The following EYS variants were observed in gnomAD, a reference collection of about 807,000 sequenced individuals.
EYS encodes the protein EGF-like photoreceptor maintenance factor, also known as protein eyes shut homolog.
EYS carries 250 observed loss-of-function variants against 282.1 expected under a neutral mutation model. The observed-to-expected ratio is 0.89, with a 90% CI of 0.80 to 0.98. The LOEUF is 0.98. Among genes scored for constraint, EYS ranks in the 50% least tolerant of loss-of-function variants. The pLI, the probability that EYS is intolerant of heterozygous loss-of-function variation, is 0.00. For synonymous variants in EYS, 1,355 were observed against 1,282.9 expected (o/e 1.06, Z -1.20); for missense variants, 4,016 against 3,709.0 (o/e 1.08, Z -2.15).
chr6:65,622,455 C>T (rs354371), intron 2 of EYS, among the ~76,000 whole-genome samples: 119,938 of 151,794 alleles, frequency 0.79, 47,445 homozygotes, highest in Middle Eastern at 0.83. Context: ...GTAATATTAT[C>T]ATTATTAAAA....
intron 2 of EYS, among the ~76,000 whole-genome samples, chr6:65,541,894 C>T (rs1768181350): frequency 6.6e-6 from 1 of 152,062 alleles, no homozygotes. Context: ...TGCTCACCAT[C>T]ACGGAGGATG....
intron 33 of EYS, among the ~76,000 whole-genome samples, chr6:64,007,207 T>G (rs1768390581): frequency 6.6e-6 from 1 of 152,174 alleles, no homozygotes; most frequent in Admixed American, 6.5e-5. Context: ...ATTCAATTTT[T>G]TCTTGGTCCA....
At chr6:65,095,026 A>G (rs192226619) in intron 12 of EYS, among the ~76,000 whole-genome samples, 69 of 151,390 alleles carry the variant, frequency 4.6e-4, no homozygotes, top group African/African-American at 1.1e-3. Context: ...TGCTACAGAA[A>G]TAAAAATAAT....
chr6:65,204,636 T>A (rs569663409), intron 12 of EYS, among the ~76,000 whole-genome samples: 5 of 151,736 alleles, frequency 3.3e-5, no homozygotes, highest in Non-Finnish European at 5.9e-5. Context: ...CAATTGAGAC[T>A]CCAAGGTTAC....
chr6:65,670,295 A>G (rs1768352226), intron 1 of EYS, among the ~76,000 whole-genome samples: 1 of 152,100 alleles, frequency 6.6e-6, no homozygotes, highest in African/African-American at 2.4e-5. Flanking sequence ...CTTCTGTTGC[A>G]TATCTCCTTT....
At chr6:64,593,081 C>A in intron 25 of EYS, 36 bp downstream of exon 25, 1 of 1,410,952 alleles carries the variant, frequency 7.1e-7, no homozygotes, top group East Asian at 2.9e-5. Flanking sequence ...CTTTTTCAAA[C>A]TCAAACTTCT....
intron 31 of EYS, among the ~76,000 whole-genome samples, chr6:64,145,918 C>T (rs976203993): frequency 6.6e-6 from 1 of 152,122 alleles, no homozygotes; most frequent in African/African-American, 2.4e-5. Context: ...TTACACTGAG[C>T]CCTTCCAAGG....
chr6:63,978,281 C>A (rs1766937084), intron 35 of EYS, among the ~76,000 whole-genome samples: 1 of 151,990 alleles, frequency 6.6e-6, no homozygotes, highest in Non-Finnish European at 1.5e-5. Context: ...TTCCCCGCCA[C>A]CTGTTTCTCT....
chr6:64,945,912 G>A lies in EYS; in HGVS notation c.2262C>T (p.Ser754=). 1 of 1,541,222 alleles carries A rather than the reference G, an allele frequency of 6.5e-7. No homozygotes were observed. Among genetic ancestry groups the A allele is most frequent in the East Asian group, 2.5e-5 (1 of 40,710 alleles). Residue 754 remains serine (S), a splice_region_variant and synonymous_variant, in exon 15 of 43, where the codon AGC becomes AGT. Transcript: ENST00000503581. ...AATCAGATAGGCACACACACTGGTA[G>A]CTCTAAGAGAATATGAAATTATATA... ...HNSTCKDLHL[S]YQCVCLSDWE...
At chr6:64,150,041 A>G (rs1774650270) in intron 31 of EYS, among the ~76,000 whole-genome samples, 1 of 152,240 alleles carries the variant, frequency 6.6e-6, no homozygotes, top group Admixed American at 6.5e-5. Context: ...CATAATTGGA[A>G]CTATCCTGCA....
At chr6:64,726,324 A>G (rs1771755020) in intron 22 of EYS, among the ~76,000 whole-genome samples, 1 of 152,162 alleles carries the variant, frequency 6.6e-6, no homozygotes, top group Admixed American at 6.5e-5. Context: ...GAGGGCAAAG[A>G]ATATCTAATT....
At chr6:63,989,027 T>G (rs1356983031) in intron 34 of EYS, among the ~76,000 whole-genome samples, 1 of 151,696 alleles carries the variant, frequency 6.6e-6, no homozygotes, top group African/African-American at 2.4e-5. Flanking sequence ...CATATCTTTC[T>G]GTAATGACAT....
intron 12 of EYS, among the ~76,000 whole-genome samples, chr6:65,195,514 A>G (rs916548221): frequency 6.6e-6 from 1 of 152,048 alleles, no homozygotes; most frequent in African/African-American, 2.4e-5. Context: ...CTTTAAAAAG[A>G]ACTCACAGTG....
At chr6:64,130,452 A>G (rs1246967325) in intron 31 of EYS, among the ~76,000 whole-genome samples, 2 of 152,100 alleles carry the variant, frequency 1.3e-5, no homozygotes, top group Non-Finnish European at 2.9e-5. Flanking sequence ...GACACAGGAA[A>G]GGGAACATCA....
intron 29 of EYS, among the ~76,000 whole-genome samples, chr6:64,366,628 T>A (rs1772190291): frequency 6.6e-6 from 1 of 151,982 alleles, no homozygotes; most frequent in African/African-American, 2.4e-5. Flanking sequence ...GGGTAGAGAT[T>A]TTAAGATTCT....
chr6:64,110,994 C>T (rs190492214), intron 31 of EYS, among the ~76,000 whole-genome samples: 67 of 152,020 alleles, frequency 4.4e-4, no homozygotes, highest in African/African-American at 1.6e-3. Context: ...AGGGCAGTAG[C>T]TGCACAGTAG....
chr6:64,943,173 C>G (rs1769156127), intron 15 of EYS, among the ~76,000 whole-genome samples: 1 of 151,932 alleles, frequency 6.6e-6, no homozygotes, highest in African/African-American at 2.4e-5. Flanking sequence ...GCTAAAAATC[C>G]TAAATAGACT....
At chr6:65,136,253 T>C (rs1461198558) in intron 12 of EYS, among the ~76,000 whole-genome samples, 2 of 152,000 alleles carry the variant, frequency 1.3e-5, no homozygotes, top group African/African-American at 2.4e-5. Flanking sequence ...ATTGGATACA[T>C]ATAAAAGTAT....
intron 14 of EYS, among the ~76,000 whole-genome samples, chr6:64,952,812 A>T (rs79957388): frequency 0.03 from 4,577 of 152,042 alleles, 229 homozygotes; most frequent in African/African-American, 0.1. Flanking sequence ...TAATTATATT[A>T]TTGCGTATTT....
Sources: gnomAD v4.1 joint callset for allele counts (sites outside exome capture counted in the v4.1 genomes callset) on GRCh38, gnomAD v4.1.1 for gene constraint, MANE v1.5 for transcripts, NCBI Gene and HGNC (gene_info 2026-07-23, HGNC 2026-07-21) for gene names.